Variants in BMAL2 observed in about 807,000 individuals in gnomAD.
The protein encoded by BMAL2 is basic helix-loop-helix ARNT-like protein 2.
At chr12:27,371,646 A>G in the BMAL2 span, among the ~76,000 whole-genome samples, 1 of 152,180 alleles carries the variant, frequency 6.6e-6, no homozygotes, top group Non-Finnish European at 1.5e-5. Context: ...GAAGAACTTG[A>G]TCAGATTTAT....
At chr12:27,421,023 G>A in the BMAL2 span, 1 of 152,936 alleles carries the variant, frequency 6.5e-6, no homozygotes. Context: ...CATTTAAAGG[G>A]ACAGTGCAAT....
the BMAL2 span, among the ~76,000 whole-genome samples, chr12:27,382,473 A>AG: frequency 6.6e-6 from 1 of 152,174 alleles, no homozygotes; most frequent in Non-Finnish European, 1.5e-5. Flanking sequence ...TTCGAGTGAG[A>AG]GGGGAGGCTG....
chr12:27,390,182 A>G, the BMAL2 span: 1 of 1,613,996 alleles, frequency 6.2e-7, no homozygotes, highest in Admixed American at 1.7e-5. Flanking sequence ...TCGGATAAAG[A>G]GTTGTAAAAT....
the BMAL2 span, among the ~76,000 whole-genome samples, chr12:27,381,455 C>T: frequency 6.6e-6 from 1 of 152,082 alleles, no homozygotes; most frequent in Non-Finnish European, 1.5e-5. Flanking sequence ...AAGTGGGAGC[C>T]GGCATCTTAC....
At chr12:27,415,764 A>G in the BMAL2 span, 2 of 770,720 alleles carry the variant, frequency 2.6e-6, no homozygotes, top group South Asian at 3.5e-5. Flanking sequence ...CTCAGTTTCA[A>G]GTTCCTCACT....
chr12:27,358,631 C>G, the BMAL2 span, among the ~76,000 whole-genome samples: 1 of 152,140 alleles, frequency 6.6e-6, no homozygotes, highest in Non-Finnish European at 1.5e-5. Context: ...AGATGTTACT[C>G]CCTTCCCCCA....
At chr12:27,333,431 G>T in the BMAL2 span, among the ~76,000 whole-genome samples, 1 of 152,244 alleles carries the variant, frequency 6.6e-6, no homozygotes, top group Non-Finnish European at 1.5e-5. Context: ...TGCACCCGGC[G>T]CTGGGAGCAT....
the BMAL2 span, among the ~76,000 whole-genome samples, chr12:27,367,743 G>T: frequency 4.6e-5 from 7 of 151,244 alleles, no homozygotes; most frequent in Non-Finnish European, 1.5e-5. Context: ...GGTTTTGGCT[G>T]GTATATATAT....
the BMAL2 span, among the ~76,000 whole-genome samples, chr12:27,412,350 T>C: frequency 6.6e-6 from 1 of 151,938 alleles, no homozygotes; most frequent in Non-Finnish European, 1.5e-5. Context: ...AGGAATTGAG[T>C]TGGTGAGCAG....
the BMAL2 span, among the ~76,000 whole-genome samples, chr12:27,390,909 T>C: frequency 3.3e-3 from 497 of 152,338 alleles, 2 homozygotes; most frequent in African/African-American, 0.011. Flanking sequence ...TTTAAAAGGA[T>C]ATTTATATGG....
the BMAL2 span, among the ~76,000 whole-genome samples, chr12:27,411,012 TAA>T: frequency 1.3e-5 from 2 of 152,160 alleles, no homozygotes; most frequent in Non-Finnish European, 2.9e-5. Context: ...TCTTAATGTA[TAA>T]AGAGTTTTCT....
At chr12:27,395,620 A>G in the BMAL2 span, among the ~76,000 whole-genome samples, 5 of 152,284 alleles carry the variant, frequency 3.3e-5, no homozygotes, top group East Asian at 9.6e-4. Context: ...TAGTCCTTCC[A>G]TGGGGTTCCT....
the BMAL2 span, among the ~76,000 whole-genome samples, chr12:27,387,760 A>AT: frequency 6.6e-6 from 1 of 152,346 alleles, no homozygotes; most frequent in South Asian, 2.1e-4. Flanking sequence ...TACATCTTTC[A>AT]TTTAACTAGT....
the BMAL2 span, among the ~76,000 whole-genome samples, chr12:27,359,937 C>T: frequency 1.1e-4 from 16 of 150,876 alleles, no homozygotes; most frequent in Non-Finnish European, 2.2e-4. Flanking sequence ...CCTGTAGTCC[C>T]AGCTACTTAG....
the BMAL2 span, among the ~76,000 whole-genome samples, chr12:27,347,471 A>T: frequency 2.0e-5 from 3 of 152,150 alleles, no homozygotes; most frequent in Non-Finnish European, 2.9e-5. Context: ...TGCCACCATC[A>T]TATCTCCAGC....
At chr12:27,353,539 C>A in the BMAL2 span, among the ~76,000 whole-genome samples, 7 of 152,024 alleles carry the variant, frequency 4.6e-5, no homozygotes, top group Admixed American at 1.3e-4. Context: ...AATGTAGTCT[C>A]CAAAAGCAAT....
chr12:27,376,933 A>C, the BMAL2 span, among the ~76,000 whole-genome samples: 3 of 146,696 alleles, frequency 2.0e-5, no homozygotes, highest in East Asian at 2.1e-4. Context: ...CTCGGGAGGC[A>C]GAGCTTGCAG....
At chr12:27,335,887 A>G in the BMAL2 span, among the ~76,000 whole-genome samples, 1 of 152,176 alleles carries the variant, frequency 6.6e-6, no homozygotes, top group Non-Finnish European at 1.5e-5. Flanking sequence ...CGTTTAAAAT[A>G]TATAGGGAAA....
At chr12:27,340,847 GTATTT>G in the BMAL2 span, among the ~76,000 whole-genome samples, 1 of 152,104 alleles carries the variant, frequency 6.6e-6, no homozygotes, top group African/African-American at 2.4e-5. Context: ...GTATTCCTAT[GTATTT>G]TATTCTTTTT....
Sources: gnomAD v4.1 joint callset for allele counts (sites outside exome capture counted in the v4.1 genomes callset) on GRCh38, gnomAD v4.1.1 for gene constraint, MANE v1.5 for transcripts, NCBI Gene and HGNC (gene_info 2026-07-23, HGNC 2026-07-21) for gene names.